EFCAB8: variants seen among roughly 807,000 people sequenced by gnomAD.
EFCAB8 encodes EF-hand calcium binding domain 8.
Under a neutral mutation model 116.3 loss-of-function variants are expected in EFCAB8, and 100 were observed. The ratio of observed to expected loss-of-function variants is 0.86; its 90% CI spans 0.73 to 1.02. The LOEUF is 1.02. EFCAB8 is among the 50% of genes least tolerant of loss of function. EFCAB8 has a pLI of 0.00. For synonymous variants in EFCAB8, 558 were observed against 567.9 expected (o/e 0.98, Z 0.25); for missense variants, 1,320 against 1,416.9 (o/e 0.93, Z 1.10).
chr20:32,935,030 T>G (rs1450189871), intron 22 of EFCAB8, among the ~76,000 whole-genome samples: 2 of 152,094 alleles, frequency 1.3e-5, no homozygotes, highest in Non-Finnish European at 2.9e-5. Flanking sequence ...AGATGTAAGA[T>G]GATATCTCAT....
At chr20:32,880,757 C>T (rs1041110264) in intron 5 of EFCAB8, among the ~76,000 whole-genome samples, 1 of 152,008 alleles carries the variant, frequency 6.6e-6, no homozygotes, top group Non-Finnish European at 1.5e-5. Flanking sequence ...CTTCAGGAAC[C>T]TCCGTGTGTT....
At chr20:32,907,045 T>C (rs1402966230) in intron 13 of EFCAB8, 51 bp downstream of exon 13, 6 of 1,461,438 alleles carry the variant, frequency 4.1e-6, no homozygotes, top group Non-Finnish European at 5.4e-6. Context: ...GGAAACACAC[T>C]GGCCAGAGAA....
chr20:32,929,656 T>A (rs1445178435), intron 20 of EFCAB8, among the ~76,000 whole-genome samples: 1 of 152,022 alleles, frequency 6.6e-6, no homozygotes, highest in Non-Finnish European at 1.5e-5. Context: ...AATCGAGATT[T>A]TTGTTGTTGG....
At chr20:32,926,603 G>A (rs1175779465) in intron 20 of EFCAB8, among the ~76,000 whole-genome samples, 1 of 148,248 alleles carries the variant, frequency 6.7e-6, no homozygotes, top group Non-Finnish European at 1.5e-5. Flanking sequence ...CTGGTGCGCT[G>A]CACCCACTAA....
chr20:32,870,650 C>T (rs1184876726), intron 3 of EFCAB8, among the ~76,000 whole-genome samples: 1 of 151,880 alleles, frequency 6.6e-6, no homozygotes, highest in Non-Finnish European at 1.5e-5. Context: ...AGGCATGTGC[C>T]ACAATACCTG....
intron 3 of EFCAB8, among the ~76,000 whole-genome samples, chr20:32,868,027 G>C (rs1047159275): frequency 1.3e-5 from 2 of 150,926 alleles, no homozygotes; most frequent in Middle Eastern, 3.4e-3. Context: ...TTTTTTTTTA[G>C]AAACAAGGGC....
At chr20:32,918,853 C>G (rs889032148) in intron 19 of EFCAB8, among the ~76,000 whole-genome samples, 1 of 152,180 alleles carries the variant, frequency 6.6e-6, no homozygotes, top group Non-Finnish European at 1.5e-5. Flanking sequence ...AAAGAGAACA[C>G]AACCCTGAAA....
chr20:32,888,875 T>G (rs998097768), intron 6 of EFCAB8, among the ~76,000 whole-genome samples: 1 of 151,606 alleles, frequency 6.6e-6, no homozygotes, highest in African/African-American at 2.4e-5. Flanking sequence ...TTTGAGTAGG[T>G]GCAAACACAC....
chr20:32,866,092 C>T (rs1984385193), intron 2 of EFCAB8, among the ~76,000 whole-genome samples: 9 of 152,048 alleles, frequency 5.9e-5, no homozygotes, highest in Admixed American at 5.9e-4. Flanking sequence ...TTCACGTGCT[C>T]CTCTGTTGGG....
intron 20 of EFCAB8, among the ~76,000 whole-genome samples, chr20:32,925,467 C>T (rs1477769666): frequency 6.6e-6 from 1 of 152,224 alleles, no homozygotes; most frequent in Non-Finnish European, 1.5e-5. Flanking sequence ...GATCCTCTTG[C>T]CTCAGCTTTC....
chr20:32,922,552 GT>G (rs1279038300), intron 20 of EFCAB8, among the ~76,000 whole-genome samples: 1 of 152,200 alleles, frequency 6.6e-6, no homozygotes, highest in African/African-American at 2.4e-5. Flanking sequence ...TAAAGGGCAT[GT>G]CACAGAGTGA....
chr20:32,942,387 T>C (rs1396740929), intron 22 of EFCAB8, among the ~76,000 whole-genome samples: 3 of 152,124 alleles, frequency 2.0e-5, no homozygotes, highest in Non-Finnish European at 4.4e-5. Context: ...TGTTGTATAA[T>C]TATTTAAAAA....
intron 4 of EFCAB8, 145 bp downstream of exon 4, chr20:32,876,189 C>T: frequency 2.9e-6 from 2 of 692,402 alleles, no homozygotes; most frequent in Non-Finnish European, 5.0e-6. Context: ...GGGGACTTGC[C>T]TGGTGGAGAC....
At chr20:32,958,369 T>A (rs1023024725) in intron 23 of EFCAB8, 52 bp from the exon 24 acceptor site, 1 of 415,410 alleles carries the variant, frequency 2.4e-6, no homozygotes, top group African/African-American at 2.1e-5. Flanking sequence ...GCAGAGGGCA[T>A]GGAGGAGGGG....
rs145509161 is a variant in EFCAB8, at chr20:32,925,333, C to T, written c.2413-5065C>T. ...CTCCTGGGTTCAAGTGATTCTCGTG[C>T]CTCAACCTCCTGAGTAGCTGGGATT... On this transcript the variant is annotated intron_variant, in intron 20 of 26. Transcript: ENST00000400522. Among the ~76,000 whole-genome samples, 43 of 152,298 alleles carry T rather than the reference C, an allele frequency of 2.8e-4. No homozygotes were observed. The East Asian group carries it at 8.3e-3, about 29-fold the overall frequency.
At chr20:32,939,201 T>TTCTC (rs1988297098) in intron 22 of EFCAB8, among the ~76,000 whole-genome samples, 1 of 76,476 alleles carries the variant, frequency 1.3e-5, no homozygotes, top group African/African-American at 5.3e-5. Flanking sequence ...CTTTCTTTCT[T>TTCTC]TCCTCTCTCT....
rs1568891127 is a variant in EFCAB8 at position 32,858,984 on chromosome 20, T to G, written c.-33T>G. The G allele has an allele frequency of 2.1e-6, 1 of 471,144 alleles. No individual in the cohort carries two copies. Among genetic ancestry groups the G allele is most frequent in the Non-Finnish European group, 4.4e-6 (1 of 227,036 alleles). 29.2% of individuals were successfully genotyped at this position (471,144 alleles called of 1,614,324 possible). A position where few individuals can be genotyped will look rare whatever the true frequency, so the allele number is the denominator to read the frequency against. On this transcript the variant is annotated 5_prime_UTR_variant, in exon 1 of 27. Transcript: ENST00000400522. Reference sequence around the variant, plus strand: ...GCCAGACTTTGCCAGCAAGATTAACTGAGGAGATCAAATTGAGTCAGGGTG... The same window carrying G: ...GCCAGACTTTGCCAGCAAGATTAACGGAGGAGATCAAATTGAGTCAGGGTG...
intron 20 of EFCAB8, among the ~76,000 whole-genome samples, chr20:32,929,935 C>A (rs1490561196): frequency 6.6e-6 from 1 of 152,144 alleles, no homozygotes; most frequent in Non-Finnish European, 1.5e-5. Context: ...CAAAACAAGT[C>A]TTGAACAAGA....
intron 5 of EFCAB8, among the ~76,000 whole-genome samples, chr20:32,879,192 C>G (rs1465945670): frequency 6.6e-6 from 1 of 152,184 alleles, no homozygotes; most frequent in African/African-American, 2.4e-5. Context: ...CATAGGGGCA[C>G]AGGTGGCACA....
Sources: allele counts gnomAD v4.1 joint callset (sites outside exome capture counted in the v4.1 genomes callset), GRCh38; gene constraint gnomAD v4.1.1; transcripts MANE v1.5; gene names NCBI Gene and HGNC (gene_info 2026-07-23, HGNC 2026-07-21).